Variants in EYS observed in about 807,000 individuals in gnomAD.
EYS encodes the protein protein eyes shut homolog.
Under a neutral mutation model 282.1 loss-of-function variants are expected in EYS, and 250 were observed. The ratio of observed to expected loss-of-function variants is 0.89; its 90% CI spans 0.80 to 0.98. EYS has a LOEUF of 0.98. Ranked by LOEUF, EYS falls within the 50% of genes least tolerant of loss-of-function variation. The pLI is 0.00. For synonymous variants in EYS, 1,355 were observed against 1,282.9 expected, an observed-to-expected ratio of 1.06 and a Z score of -1.20; for missense variants, 4,016 against 3,709.0, an observed-to-expected ratio of 1.08 and a Z score of -2.15.
chr6:64,279,716 A>G (rs1441378538), intron 30 of EYS, among the ~76,000 whole-genome samples: 2 of 152,182 alleles, frequency 1.3e-5, no homozygotes, highest in African/African-American at 2.4e-5. Context: ...AGTATATTCA[A>G]ATTACTGTCT....
At chr6:64,750,580 G>A (rs1772714260) in intron 22 of EYS, among the ~76,000 whole-genome samples, 1 of 152,134 alleles carries the variant, frequency 6.6e-6, no homozygotes, top group African/African-American at 2.4e-5. Context: ...CATAAAGCTG[G>A]ATGGATCAGC....
intron 22 of EYS, among the ~76,000 whole-genome samples, chr6:64,629,347 C>T (rs1767708652): frequency 6.6e-6 from 1 of 152,142 alleles, no homozygotes; most frequent in Admixed American, 6.6e-5. Flanking sequence ...GTCATGCACA[C>T]CTCTTTAAAG....
intron 19 of EYS, among the ~76,000 whole-genome samples, chr6:64,885,611 T>C (rs1331866183): frequency 6.6e-6 from 1 of 151,752 alleles, no homozygotes; most frequent in East Asian, 1.9e-4. Context: ...TAGTTGAAAT[T>C]TAATGTTTCT....
intron 2 of EYS, among the ~76,000 whole-genome samples, chr6:65,544,070 G>A (rs986706362): frequency 8.6e-5 from 13 of 151,606 alleles, no homozygotes; most frequent in Admixed American, 1.3e-4. Context: ...GAGAGAAAGA[G>A]ACCTCTTTAC....
At chr6:65,284,172 C>T (rs190878174) in intron 12 of EYS, among the ~76,000 whole-genome samples, 5 of 152,194 alleles carry the variant, frequency 3.3e-5, no homozygotes, top group East Asian at 1.9e-4. Context: ...TTGTACACTG[C>T]GCAATGCCCT....
intron 33 of EYS, among the ~76,000 whole-genome samples, chr6:64,031,789 G>T (rs1769856467): frequency 6.6e-6 from 1 of 152,158 alleles, no homozygotes; most frequent in Admixed American, 6.5e-5. Context: ...GAACATCTGT[G>T]TCTAGCTCAG....
chr6:64,705,871 A>C (rs1207931756), intron 22 of EYS, among the ~76,000 whole-genome samples: 1 of 147,400 alleles, frequency 6.8e-6, no homozygotes, highest in Non-Finnish European at 1.5e-5. Context: ...GCATTGGGAG[A>C]TATACCTAAT....
rs1764939836 is a variant in EYS, at chr6:64,822,791, G to T, written c.3024C>A (p.Cys1008Ter). Residue 1008 changes from cysteine (C) to a stop codon, truncating the protein, a stop_gained, in exon 20 of 43, where the codon TGC (cysteine) becomes TGA (stop). Coordinates refer to ENST00000503581, the MANE Select transcript of EYS (RefSeq NM_001142800.2). LOFTEE classifies it high-confidence loss of function. ...GINCEINLDE[C>*]LSEPCLHDGV... ...CATCATGGAGACAGGGCTCTGATAG[G>T]CATTCATCTAGATTTATTTCACAGT... 5 of 1,549,696 alleles carry T rather than the reference G, an allele frequency of 3.2e-6. No individual in the cohort carries two copies. The highest frequency in any genetic ancestry group is 3.5e-6 in the Non-Finnish European group (4 of 1,145,774).
intron 12 of EYS, among the ~76,000 whole-genome samples, chr6:65,078,721 T>G (rs917253102): frequency 6.6e-6 from 1 of 151,936 alleles, no homozygotes; most frequent in African/African-American, 2.4e-5. Flanking sequence ...TAAAGAACAT[T>G]AAAATAGTTT....
At chr6:64,423,579 G>C (rs1774304910) in intron 28 of EYS, among the ~76,000 whole-genome samples, 1 of 152,164 alleles carries the variant, frequency 6.6e-6, no homozygotes, top group African/African-American at 2.4e-5. Context: ...CTTGGCCAAA[G>C]CAGGCGGATC....
chr6:64,707,361 G>T (rs1422939917), intron 22 of EYS, among the ~76,000 whole-genome samples: 1 of 152,008 alleles, frequency 6.6e-6, no homozygotes, highest in South Asian at 2.1e-4. Flanking sequence ...AGGCAATAGG[G>T]TGAGGGATAA....
At chr6:65,444,737 C>T (rs190663611) in intron 5 of EYS, among the ~76,000 whole-genome samples, 10 of 152,104 alleles carry the variant, frequency 6.6e-5, no homozygotes, top group Non-Finnish European at 1.2e-4. Context: ...TTATTAGTTG[C>T]AATTATGACA....
Position 65,184,115 on chromosome 6 carries a change from ATAAAG to A in EYS, c.2023+111743_2023+111747del, listed in dbSNP as rs568757344. 1.7e-3 allele frequency among the ~76,000 whole-genome samples: 260 copies of A among 152,048 alleles called. 2 individuals are homozygous for A. The highest frequency in any genetic ancestry group is 5.8e-3 in the African/African-American group (242 of 41,538). On this transcript the variant is annotated intron_variant, in intron 12 of 42. Coordinates refer to ENST00000503581, the MANE Select transcript of EYS (RefSeq NM_001142800.2). ...GTTATGAATGACTTTAAATAAATTG[ATAAAG>A]TAAAGTCGCATAAAACATCGTGATG...
chr6:64,323,216 T>C (rs948025182), intron 29 of EYS, among the ~76,000 whole-genome samples: 5 of 134,320 alleles, frequency 3.7e-5, no homozygotes, highest in Non-Finnish European at 6.5e-5. Flanking sequence ...ATTTCTTCAA[T>C]GCTAGGGAAT....
chr6:63,776,600 G>A (rs1326767558), intron 40 of EYS, among the ~76,000 whole-genome samples: 2 of 152,146 alleles, frequency 1.3e-5, no homozygotes, highest in African/African-American at 2.4e-5. Context: ...AAGGTATTAC[G>A]TTTAATATCG....
At chr6:64,605,972 T>C (rs1427013870) in intron 24 of EYS, among the ~76,000 whole-genome samples, 1 of 151,968 alleles carries the variant, frequency 6.6e-6, no homozygotes, top group Non-Finnish European at 1.5e-5. Context: ...TCATGAAACA[T>C]CTTACGTTCC....
chr6:63,891,213 G>GGTTTCCAC lies in EYS; in HGVS notation c.7056-26863_7056-26856dup, dbSNP rs200479280. 5.9e-3 allele frequency among the ~76,000 whole-genome samples: 901 copies of GGTTTCCAC among 152,228 alleles called. 9 individuals are homozygous for GGTTTCCAC. Among genetic ancestry groups the GGTTTCCAC allele is most frequent in the African/African-American group, 0.021 (872 of 41,530 alleles). ...CCTATTCTAAACAATAGAAGAAGAG[G>GGTTTCCAC]GTTTCCACCCTAACTCATTTTATGA... On this transcript the variant is annotated intron_variant, in intron 35 of 42. Coordinates refer to ENST00000503581, the MANE Select transcript of EYS (RefSeq NM_001142800.2).
chr6:65,184,730 G>A (rs1484068776), intron 12 of EYS, among the ~76,000 whole-genome samples: 1 of 151,550 alleles, frequency 6.6e-6, no homozygotes, highest in Non-Finnish European at 1.5e-5. Flanking sequence ...TAAGGGTTTT[G>A]TTATTCAGTC....
Position 64,081,915 on chromosome 6 carries a change from C to T in EYS, c.6512G>A (p.Arg2171Lys), listed in dbSNP as rs746770940. 1.3e-6 allele frequency: 2 copies of T among 1,542,202 alleles called. No individual in the cohort carries two copies. Among genetic ancestry groups the T allele is most frequent in the South Asian group, 2.4e-5 (2 of 83,668 alleles). ...LKFVLEKEHNRTVTIYLTIKT... is the reference protein window; with the variant it reads ...LKFVLEKEHNKTVTIYLTIKT... ...TATAGTCAAGTAGATGGTAACAGTT[C>T]TGTTATGTTCCTTCTCCAGGACAAA... The change falls in exon 32 of 43, where the codon AGA (arginine) becomes AAA (lysine). Residue 2171 changes from arginine (R) to lysine (K), a missense_variant. Transcript: ENST00000503581.
Sources: gnomAD v4.1 joint callset for allele counts (sites outside exome capture counted in the v4.1 genomes callset) on GRCh38, gnomAD v4.1.1 for gene constraint, MANE v1.5 for transcripts, NCBI Gene and HGNC (gene_info 2026-07-23, HGNC 2026-07-21) for gene names.